GSDME: variants seen among roughly 807,000 people sequenced by gnomAD.
GSDME encodes the protein gasdermin E, also known as gasdermin-E.
In GSDME, 44 loss-of-function variants were observed where a neutral mutation model predicts 47.5. The ratio of observed to expected loss-of-function variants is 0.93; its 90% confidence interval spans 0.73 to 1.19. The LOEUF is 1.19. Among genes scored for constraint, GSDME ranks in the 50% most tolerant of loss-of-function variants. The pLI, the probability that GSDME is intolerant of heterozygous loss-of-function variation, is 0.00. For synonymous variants in GSDME, 258 were observed against 252.8 expected (o/e 1.02, Z -0.20); for missense variants, 663 against 604.2 (o/e 1.10, Z -1.02).
intron 7 of GSDME, 49 bp from the exon 8 acceptor site, chr7:24,706,425 G>T (rs758782183): frequency 1.3e-6 from 2 of 1,572,428 alleles, no homozygotes; most frequent in Non-Finnish European, 1.7e-6. Context: ...GAGACCAAGC[G>T]CCACAGCTGG....
In GSDME at chr7:24,712,998, A is replaced by G. The variant is rs982006156; in HGVS notation, c.698-2610T>C. On this transcript the variant is annotated intron_variant, in intron 5 of 9. Transcript: ENST00000645220. The surrounding 1 kb of genome is among the most constrained non-coding windows in gnomAD (Gnocchi z 4.4). ...GCACCATTGTACTCCAGCCTGGGCAACAAGAGTGAAACTCAGTCTCAAAAA... is the reference window on the plus strand; with the variant it reads ...GCACCATTGTACTCCAGCCTGGGCAGCAAGAGTGAAACTCAGTCTCAAAAA... Among the ~76,000 whole-genome samples, 2 of 151,250 alleles carry G rather than the reference A, an allele frequency of 1.3e-5. No individual in the cohort carries two copies. Among genetic ancestry groups the G allele is most frequent in the Non-Finnish European group, 2.9e-5 (2 of 67,896 alleles).
rs142211483 is a variant in GSDME, at chr7:24,749,529, G to T, written c.211+35C>A. Reference sequence around the variant, plus strand: ...AAAAAAAAAAAGGATCATCCTTTCCGAGACTAATTATAGAATATACCCAAG... The same window carrying T: ...AAAAAAAAAAAGGATCATCCTTTCCTAGACTAATTATAGAATATACCCAAG... On this transcript the variant is annotated intron_variant, in intron 2 of 9. Transcript: ENST00000645220. 3,965 of 1,386,466 alleles carry T rather than the reference G, an allele frequency of 2.9e-3. 87 individuals are homozygous for T. The African/African-American group carries it at 0.049, about 17-fold the overall frequency. 85.9% of individuals were successfully genotyped at this position (1,386,466 alleles called of 1,614,324 possible). A position where few individuals can be genotyped will look rare whatever the true frequency, so the allele number is the denominator to read the frequency against.
At position 24,721,811 on chromosome 7, in the gene GSDME, C is replaced by A. The variant is rs76879747; in HGVS notation, c.405-2593G>T. On this transcript the variant is annotated intron_variant, in intron 3 of 9. Transcript: ENST00000645220. The surrounding 1 kb of genome is among the most constrained non-coding windows in gnomAD (Gnocchi z 4.1). ...TGTCCAGTGCGTTCCCAGGCTGAGG[C>A]CCCATGTGATCTGCCCTGCCCCCTG... Among the ~76,000 whole-genome samples, 567 of 152,308 alleles carry A rather than the reference C, an allele frequency of 3.7e-3. 19 individuals carry two copies. In the East Asian group the frequency reaches 0.092, roughly 25 times the overall value.
intron 3 of GSDME, among the ~76,000 whole-genome samples, chr7:24,727,333 A>G (rs1274337951): frequency 6.6e-6 from 1 of 152,196 alleles, no homozygotes; most frequent in East Asian, 1.9e-4. Context: ...CAAAAAGTGA[A>G]AGGTACAAAT....
In GSDME at chr7:24,707,619, A is replaced by AC. The variant is rs200415764; in HGVS notation, c.990+507_990+508insG. On this transcript the variant is annotated intron_variant, in intron 7 of 9. Transcript: ENST00000645220. Reference sequence around the variant, plus strand: ...AAAGTAAGGAAATCAAAATGAGATCATCCTAGATTGGGGTGGGCCCTAAAT... The same window carrying AC: ...AAAGTAAGGAAATCAAAATGAGATCACTCCTAGATTGGGGTGGGCCCTAAAT... 1.9e-3 allele frequency: 667 copies of AC among 357,166 alleles called. 3 individuals carry two copies. The highest frequency in any genetic ancestry group is 0.013 in the African/African-American group (603 of 47,258). 22.1% of individuals were successfully genotyped at this position (357,166 alleles called of 1,614,324 possible).
At chr7:24,711,815 C>CAAA (rs35002301) in intron 5 of GSDME, among the ~76,000 whole-genome samples, 1,115 of 96,982 alleles carry the variant, frequency 0.011, 20 homozygotes, top group East Asian at 0.093. Flanking sequence ...ACCTTGTCTC[C>CAAA]AAAAAAAAAA....
intron 1 of GSDME, among the ~76,000 whole-genome samples, chr7:24,753,864 C>T (rs556375773): frequency 6.6e-6 from 1 of 152,246 alleles, no homozygotes; most frequent in Non-Finnish European, 1.5e-5. Flanking sequence ...AGGCTAGGAA[C>T]AACAGAGTTT....
chr7:24,735,516 G>T lies in GSDME; in HGVS notation c.404+9046C>A, dbSNP rs1473008129. Among the ~76,000 whole-genome samples the T allele has an allele frequency of 6.6e-6, 1 of 152,138 alleles. No homozygotes were observed. Among genetic ancestry groups the T allele is most frequent in the Non-Finnish European group, 1.5e-5 (1 of 68,018 alleles). ...TCACGCCTGTAATCCCAGCAGTTTG[G>T]GAGGCCGAGGTGGGTGTATCACCTG... On this transcript the variant is annotated intron_variant, in intron 3 of 9. Coordinates refer to ENST00000645220, the MANE Select transcript of GSDME (RefSeq NM_001127453.2). The surrounding 1 kb of genome is among the most constrained non-coding windows in gnomAD (Gnocchi z 4.4).
the GSDME span, among the ~76,000 whole-genome samples, chr7:24,786,388 T>C: frequency 6.6e-6 from 1 of 152,218 alleles, no homozygotes; most frequent in African/African-American, 2.4e-5. This position sits in a 1 kb window ranked among gnomAD's most constrained non-coding sequence, Gnocchi z 5.5. Flanking sequence ...GGAGGTGCCC[T>C]TGGAAACATG....
chr7:24,720,523 C>G (rs569075012), intron 3 of GSDME, among the ~76,000 whole-genome samples: 1 of 152,284 alleles, frequency 6.6e-6, no homozygotes, highest in Non-Finnish European at 1.5e-5. Context: ...AATGTAATCA[C>G]CTGCCCAGAA....
At chr7:24,774,321 T>TTCCC in the GSDME span, among the ~76,000 whole-genome samples, 1 of 94,156 alleles carries the variant, frequency 1.1e-5, no homozygotes, top group African/African-American at 4.3e-5. Context: ...CCCTTCCTTC[T>TTCCC]TCCCTCCCTC....
chr7:24,755,800 G>GA (rs1375491084), intron 1 of GSDME, among the ~76,000 whole-genome samples: 1 of 152,120 alleles, frequency 6.6e-6, no homozygotes, highest in Non-Finnish European at 1.5e-5. Flanking sequence ...AAGTGCCCTT[G>GA]AAAAAGGTAA....
intron 5 of GSDME, chr7:24,717,037 G>A (rs958796960): frequency 1.9e-5 from 11 of 586,254 alleles, no homozygotes; most frequent in Non-Finnish European, 2.4e-5. Flanking sequence ...TTGGAGGAGA[G>A]GGTGGCATTG....
rs1789593311 is a variant in GSDME at position 24,717,170 on chromosome 7, GAGTCCTCTGGAAAGCAGTCA to G, written c.697+64_697+83del. 5.3e-6 allele frequency: 8 copies of G among 1,507,932 alleles called. No homozygotes were observed. The East Asian group carries it at 1.1e-4, about 21-fold the overall frequency. The allele number at this position is 1,507,932 out of a possible 1,614,324, so 93.4% of individuals were successfully genotyped here. On this transcript the variant is annotated intron_variant, in intron 5 of 9. Transcript: ENST00000645220. ...TCTTCCCACAGTCTCCAAAGCAGTC[GAGTCCTCTGGAAAGCAGTCA>G]AGTCCCTCTGCTGAGGGATCCTCTG...
intron 2 of GSDME, among the ~76,000 whole-genome samples, chr7:24,748,395 T>C (rs1206136368): frequency 6.6e-6 from 1 of 151,240 alleles, no homozygotes; most frequent in African/African-American, 2.4e-5. Context: ...CCTGACCTTG[T>C]AATCCACCAG....
At chr7:24,743,076 C>T (rs1790539860) in intron 3 of GSDME, among the ~76,000 whole-genome samples, 1 of 152,144 alleles carries the variant, frequency 6.6e-6, no homozygotes. Context: ...AGGCAGTAAA[C>T]GCACAGCCAT....
chr7:24,772,472 T>G, the GSDME span, among the ~76,000 whole-genome samples: 2 of 152,240 alleles, frequency 1.3e-5, no homozygotes, highest in African/African-American at 4.8e-5. The surrounding 1 kb of genome is among the most constrained non-coding windows in gnomAD (Gnocchi z 4.5). Context: ...CTGTCTTTGC[T>G]CACTGCTGTG....
chr7:24,784,280 GC>G, the GSDME span, among the ~76,000 whole-genome samples: 3 of 152,108 alleles, frequency 2.0e-5, no homozygotes, highest in Non-Finnish European at 2.9e-5. Flanking sequence ...GAACTAATAG[GC>G]TATATATAAA....
chr7:24,764,357 T>C, the GSDME span, among the ~76,000 whole-genome samples: 1 of 152,314 alleles, frequency 6.6e-6, no homozygotes, highest in African/African-American at 2.4e-5. The surrounding 1 kb of genome is among the most constrained non-coding windows in gnomAD (Gnocchi z 4.4). Context: ...CGTTTCAAAC[T>C]GTTGGTAGAA....
Sources: gnomAD v4.1 joint callset for allele counts (sites outside exome capture counted in the v4.1 genomes callset) on GRCh38, gnomAD v4.1.1 for gene constraint, Gnocchi (gnomAD v3.1) non-coding constraint, MANE v1.5 for transcripts, NCBI Gene and HGNC (gene_info 2026-07-23, HGNC 2026-07-21) for gene names.